Variants in KCNJ6 observed in about 807,000 individuals in gnomAD.
KCNJ6 encodes potassium inwardly rectifying channel subfamily J member 6, also known as G protein-activated inward rectifier potassium channel 2.
KCNJ6 carries 9 observed loss-of-function variants against 34.2 expected under a neutral mutation model. That is an observed-to-expected ratio of 0.26 (90% CI 0.16 to 0.46). The LOEUF (loss-of-function observed/expected upper bound fraction) is 0.46. KCNJ6 is among the 20% of genes least tolerant of loss of function. KCNJ6 has a pLI of 1.00. For missense variants in KCNJ6, 236 were observed against 531.3 expected (o/e 0.44, Z 5.46); for synonymous variants, 196 against 207.1 (o/e 0.95, Z 0.46).
intron 2 of KCNJ6, among the ~76,000 whole-genome samples, chr21:37,747,665 T>C (rs2054974268): frequency 6.6e-6 from 1 of 150,802 alleles, no homozygotes; most frequent in Non-Finnish European, 1.5e-5. Flanking sequence ...GATGGCAATG[T>C]GAGAAGGACT....
chr21:37,646,865 G>A (rs1178181876), intron 3 of KCNJ6, among the ~76,000 whole-genome samples: 1 of 151,954 alleles, frequency 6.6e-6, no homozygotes, highest in Non-Finnish European at 1.5e-5. Context: ...GTAGAGACGG[G>A]GTTTCACACG....
intron 2 of KCNJ6, among the ~76,000 whole-genome samples, chr21:37,752,401 C>A (rs900557971): frequency 1.3e-5 from 2 of 152,044 alleles, no homozygotes; most frequent in African/African-American, 4.8e-5. Context: ...ATACACATGG[C>A]GGCTGGATCA....
intron 2 of KCNJ6, among the ~76,000 whole-genome samples, chr21:37,809,725 A>G (rs563572177): frequency 1.4e-4 from 21 of 152,292 alleles, no homozygotes; most frequent in South Asian, 8.3e-4. Context: ...TTATACTGGT[A>G]TCTCAGCCTC....
chr21:37,857,717 C>T (rs1342063273), intron 1 of KCNJ6, among the ~76,000 whole-genome samples: 2 of 152,150 alleles, frequency 1.3e-5, no homozygotes, highest in Non-Finnish European at 2.9e-5. Flanking sequence ...AAAGAAATCC[C>T]CTGTTTCATG....
chr21:37,801,583 C>T (rs987323639), intron 2 of KCNJ6, among the ~76,000 whole-genome samples: 5 of 152,190 alleles, frequency 3.3e-5, no homozygotes, highest in East Asian at 1.9e-4. Flanking sequence ...CACTGGGTAA[C>T]GCTGAGCGAA....
intron 3 of KCNJ6, among the ~76,000 whole-genome samples, chr21:37,641,704 G>T (rs1327872560): frequency 1.7e-3 from 2 of 1,168 alleles, no homozygotes; most frequent in African/African-American, 4.3e-3. Context: ...TGTGTTTGGG[G>T]GATGGGCAGG....
rs780410267 is a variant in KCNJ6, at chr21:37,714,949, C to T, written c.208G>A (p.Val70Met). 1.9e-6 allele frequency: 3 copies of T among 1,614,234 alleles called. No homozygotes were observed. The highest frequency in any genetic ancestry group is 1.7e-6 in the Non-Finnish European group (2 of 1,180,046). ...GTCAGGTAGCGATAGGTCTCCCTCA[C>T]GTTGCCGTGATGAACATTGCACTTT... ...DGKCNVHHGNVRETYRYLTDI... is the reference protein window; with the variant it reads ...DGKCNVHHGNMRETYRYLTDI... Residue 70 changes from valine to methionine, a missense_variant, in exon 3 of 4, where the codon GTG (valine) becomes ATG (methionine). This residue lies in a region of KCNJ6 where 68 missense variants were observed against 165.7 expected (regional missense o/e 0.41). Transcript: ENST00000609713. The surrounding 1 kb of genome is among the most constrained non-coding windows in gnomAD (Gnocchi z 5.9).
chr21:37,863,015 C>A (rs538563666), intron 1 of KCNJ6, among the ~76,000 whole-genome samples: 90 of 152,266 alleles, frequency 5.9e-4, no homozygotes, highest in African/African-American at 2.1e-3. Flanking sequence ...TCATGAAGAG[C>A]ATAGACAATC....
In KCNJ6 at chr21:37,625,063, A is replaced by G. The variant is rs947174510; in HGVS notation, c.*96T>C. The stretch of plus-strand genomic sequence containing the variant: ...ATGTAAAAATTAAATATAAACAAAT[A>G]AAGAACAAAGCAAGAGAGACAGAAA... On this transcript the variant is annotated 3_prime_UTR_variant, in exon 4 of 4. Coordinates refer to ENST00000609713, the MANE Select transcript of KCNJ6 (RefSeq NM_002240.5). 1 of 951,358 alleles carries G rather than the reference A, an allele frequency of 1.1e-6. No individual in the cohort carries two copies. The highest frequency in any genetic ancestry group is 1.6e-5 in the African/African-American group (1 of 61,002). The allele number at this position is 951,358 out of a possible 1,614,324, so 58.9% of individuals were successfully genotyped here.
chr21:37,719,292 T>C (rs1205705053), intron 2 of KCNJ6: 1 of 152,266 alleles, frequency 6.6e-6, no homozygotes, highest in Non-Finnish European at 1.5e-5. Context: ...AGGGTAAATA[T>C]AGAAGGAAAT....
intron 2 of KCNJ6, among the ~76,000 whole-genome samples, chr21:37,821,179 A>T (rs2055371297): frequency 6.6e-6 from 1 of 152,248 alleles, no homozygotes; most frequent in Non-Finnish European, 1.5e-5. Context: ...ATAATAGCAC[A>T]TAATATGGAA....
At chr21:37,759,009 G>C (rs2055046522) in intron 2 of KCNJ6, among the ~76,000 whole-genome samples, 1 of 152,318 alleles carries the variant, frequency 6.6e-6, no homozygotes, top group Non-Finnish European at 1.5e-5. Flanking sequence ...GGTTGCAAGA[G>C]TTGCCCTCAG....
At chr21:37,761,618 GTGTA>G (rs1269537593) in intron 2 of KCNJ6, among the ~76,000 whole-genome samples, 2 of 150,194 alleles carry the variant, frequency 1.3e-5, no homozygotes, top group Non-Finnish European at 3.0e-5. Context: ...TGTAGTATTT[GTGTA>G]TGTGTTGTGT....
At chr21:37,812,381 T>C (rs2055327356) in intron 2 of KCNJ6, among the ~76,000 whole-genome samples, 1 of 152,128 alleles carries the variant, frequency 6.6e-6, no homozygotes, top group Non-Finnish European at 1.5e-5. Context: ...AAAGTGGCCA[T>C]CTAATCTGGC....
intron 3 of KCNJ6, among the ~76,000 whole-genome samples, chr21:37,660,559 G>C (rs968615439): frequency 2.6e-5 from 4 of 152,152 alleles, no homozygotes. Flanking sequence ...AGAATGCATT[G>C]TTCCCATAAG....
rs369390637 is a variant in KCNJ6 at position 37,672,915 on chromosome 21, A to C, written c.946+41296T>G. 7.2e-5 allele frequency among the ~76,000 whole-genome samples: 11 copies of C among 152,280 alleles called. No individual in the cohort carries two copies. The South Asian group carries it at 1.7e-3, about 23-fold the overall frequency. Reference sequence around the variant, plus strand: ...TGTCTCAGCCTCCCAAGTAGCTGGGACTACAGGTGCATGCTGCTGTGCCCT... The same window carrying C: ...TGTCTCAGCCTCCCAAGTAGCTGGGCCTACAGGTGCATGCTGCTGTGCCCT... On this transcript the variant is annotated intron_variant, in intron 3 of 3. Transcript: ENST00000609713.
chr21:37,911,437 T>C lies in KCNJ6; in HGVS notation c.-28+4447A>G, dbSNP rs187391900. 2.4e-3 allele frequency among the ~76,000 whole-genome samples: 360 copies of C among 152,294 alleles called. 1 individual carries two copies. Among genetic ancestry groups the C allele is most frequent in the Admixed American group, 5.2e-3 (80 of 15,298 alleles). ...AGTGAATCAATTATCTTTTGGTACT[T>C]AAATGCCAATTATTGAAGATAAAAT... On this transcript the variant is annotated intron_variant, in intron 1 of 3. Coordinates refer to ENST00000609713, the MANE Select transcript of KCNJ6 (RefSeq NM_002240.5).
At chr21:37,631,769 G>A (rs1217722807) in intron 3 of KCNJ6, among the ~76,000 whole-genome samples, 2 of 152,200 alleles carry the variant, frequency 1.3e-5, no homozygotes, top group Non-Finnish European at 2.9e-5. Flanking sequence ...AAAAGGTGCT[G>A]CTGTGAGTCA....
At chr21:37,627,674 G>A (rs750370787) in intron 3 of KCNJ6, among the ~76,000 whole-genome samples, 8 of 152,196 alleles carry the variant, frequency 5.3e-5, no homozygotes, top group Non-Finnish European at 8.8e-5. Context: ...GGAAAGCTCT[G>A]ACATATTCCT....
Sources: gnomAD v4.1 joint callset for allele counts (sites outside exome capture counted in the v4.1 genomes callset) on GRCh38, gnomAD v4.1.1 for gene constraint, gnomAD v4.1.1 regional missense constraint, Gnocchi (gnomAD v3.1) non-coding constraint, MANE v1.5 for transcripts, NCBI Gene and HGNC (gene_info 2026-07-23, HGNC 2026-07-21) for gene names.